The following B3GAT1 variants were observed in gnomAD, a reference collection of about 807,000 sequenced individuals.
B3GAT1 encodes the protein galactosylgalactosylxylosylprotein 3-beta-glucuronosyltransferase 1.
B3GAT1 carries 11 observed loss-of-function variants against 28.4 expected under a neutral mutation model. That is an observed-to-expected ratio of 0.39 (90% CI 0.24 to 0.64). The LOEUF is 0.64. B3GAT1 is among the 30% of genes least tolerant of loss of function. The probability of loss-of-function intolerance (pLI) is 0.50; values close to 1 mark genes in which losing one functional copy is unlikely to be tolerated. For synonymous variants in B3GAT1, 255 were observed against 223.1 expected (o/e 1.14, Z -1.27); for missense variants, 375 against 491.0 (o/e 0.76, Z 2.23).
Position 134,387,738 on chromosome 11 carries a change from G to T in B3GAT1, c.-79C>A. ...AGGAGAGGGGCGGCCACGGGCGGCG[G>T]CAGCACAGGGGAGAAAAGAACAGGC... On this transcript the variant is annotated 5_prime_UTR_variant, in exon 2 of 6. The change creates a premature stop within an existing upstream ORF in the 5' untranslated region. Coordinates refer to ENST00000312527, the MANE Select transcript of B3GAT1 (RefSeq NM_054025.3). 2 of 1,585,434 alleles carry T rather than the reference G, an allele frequency of 1.3e-6. No homozygotes were observed. Among genetic ancestry groups the T allele is most frequent in the Non-Finnish European group, 8.6e-7 (1 of 1,166,650 alleles).
At chr11:134,392,260 A>G (rs77954628) in intron 1 of B3GAT1, 31,237 of 150,784 alleles carry the variant, frequency 0.21, 3,687 homozygotes, top group African/African-American at 0.29. Flanking sequence ...GCCAGCACCC[A>G]TGGAACTGAG....
At chr11:134,404,434 A>G (rs1243950819) in intron 1 of B3GAT1, among the ~76,000 whole-genome samples, 1 of 152,176 alleles carries the variant, frequency 6.6e-6, no homozygotes, top group Non-Finnish European at 1.5e-5. Flanking sequence ...TAAGATGGTA[A>G]GTTTTATGTT....
rs140323808 is a variant in B3GAT1 at position 134,387,593 on chromosome 11, C to G, written c.67G>C (p.Val23Leu). Residue 23 changes from valine to leucine, a missense_variant, in exon 2 of 6, where the codon GTC becomes CTC. Val to Leu is a conservative substitution (Grantham distance 32). Transcript: ENST00000312527. ...IVLPWTLLIT[V>L]WHQSTLAPLL... ...GGTGCGAGGGTGCTCTGGTGCCAGA[C>G]AGTGATGAGCAGAGTCCAGGGCAGC... is the stretch of plus-strand genomic sequence containing the variant. 169 of 1,614,026 alleles carry G rather than the reference C, an allele frequency of 1.0e-4. No individual in the cohort carries two copies. The highest frequency in any genetic ancestry group is 1.4e-4 in the Non-Finnish European group (160 of 1,180,050).
rs748150106 is a variant in B3GAT1 at position 134,382,881 on chromosome 11, C to T, written c.747G>A (p.Arg249=). The T allele has an allele frequency of 1.9e-6, 3 of 1,614,114 alleles. No homozygotes were observed. The highest frequency in any genetic ancestry group is 4.5e-5 in the East Asian group (2 of 44,876). The change falls in exon 4 of 6, where the codon CGG becomes CGA. Residue 249 remains arginine (R), a synonymous_variant. Transcript: ENST00000312527. ...VGWKTVFDPH[R]PFAIDMAGFA... is the part of the protein sequence containing the mutation. ...ATCCAGCCATGTCTATTGCAAATGGCCGGTGGGGGTCAAACACCGTCTTCC... is the reference window on the plus strand; with the variant it reads ...ATCCAGCCATGTCTATTGCAAATGGTCGGTGGGGGTCAAACACCGTCTTCC...
In B3GAT1 at chr11:134,388,106, C is replaced by T. The variant is rs1341065366; in HGVS notation, c.-281-166G>A. On this transcript the variant is annotated intron_variant, in intron 1 of 5. Transcript: ENST00000312527. The stretch of plus-strand genomic sequence containing the variant: ...TGTCTGCCTGTTAGAGTGGAATGGG[C>T]TCTGTCCTTCCCACAGGCACAGGGC... 1.6e-5 allele frequency: 6 copies of T among 363,942 alleles called. No individual in the cohort carries two copies. In the Admixed American group the frequency reaches 2.1e-4, roughly 13 times the overall value. 22.5% of individuals were successfully genotyped at this position (363,942 alleles called of 1,614,324 possible). A position where few individuals can be genotyped will look rare whatever the true frequency, so the allele number is the denominator to read the frequency against.
At chr11:134,399,348 C>A (rs562574152) in intron 1 of B3GAT1, among the ~76,000 whole-genome samples, 132 of 152,336 alleles carry the variant, frequency 8.7e-4, no homozygotes, top group Non-Finnish European at 7.3e-5. Flanking sequence ...AGAGACTCCC[C>A]AGTCAGCCAG....
chr11:134,382,863 C>T lies in B3GAT1; in HGVS notation c.765G>A (p.Met255Ile). The change falls in exon 4 of 6, where the codon ATG (methionine) becomes ATA (isoleucine). Residue 255 changes from methionine to isoleucine, a missense_variant. Met to Ile is a conservative substitution (Grantham distance 10). Coordinates refer to ENST00000312527, the MANE Select transcript of B3GAT1 (RefSeq NM_054025.3). ...FDPHRPFAID[M>I]AGFAVNLRLI... The stretch of plus-strand genomic sequence containing the variant: ...GCCGCAGGTTGACGGCAAATCCAGC[C>T]ATGTCTATTGCAAATGGCCGGTGGG... The T allele has an allele frequency of 6.2e-7, 1 of 1,614,178 alleles. No homozygotes were observed. Among genetic ancestry groups the T allele is most frequent in the Non-Finnish European group, 8.5e-7 (1 of 1,180,018 alleles).
intron 1 of B3GAT1, among the ~76,000 whole-genome samples, chr11:134,410,817 T>C (rs1395214032): frequency 3.3e-5 from 5 of 152,202 alleles, no homozygotes; most frequent in African/African-American, 1.2e-4. Flanking sequence ...CCCTACGACA[T>C]CCGTACCCCA....
chr11:134,392,639 G>A (rs113202812), intron 1 of B3GAT1, among the ~76,000 whole-genome samples: 5,388 of 152,290 alleles, frequency 0.035, 109 homozygotes, highest in Non-Finnish European at 0.045. Context: ...CCAAAGTGCT[G>A]AGATTACAGG....
intron 1 of B3GAT1, among the ~76,000 whole-genome samples, chr11:134,402,205 T>A (rs887726863): frequency 2.6e-5 from 4 of 152,176 alleles, no homozygotes; most frequent in African/African-American, 9.7e-5. Flanking sequence ...GGTTTGGAAC[T>A]GACACACTGA....
intron 1 of B3GAT1, among the ~76,000 whole-genome samples, chr11:134,396,723 G>C (rs1020405912): frequency 1.3e-5 from 2 of 152,196 alleles, no homozygotes; most frequent in African/African-American, 4.8e-5. Flanking sequence ...CCAGGAAACG[G>C]GTCTGCTCGG....
At chr11:134,405,785 G>A (rs1944720350) in intron 1 of B3GAT1, among the ~76,000 whole-genome samples, 1 of 152,224 alleles carries the variant, frequency 6.6e-6, no homozygotes, top group Admixed American at 6.5e-5. Context: ...GAAAAGAAGG[G>A]AGTAGCCCAG....
At position 134,411,289 on chromosome 11, in the gene B3GAT1, C is replaced by T. The variant is rs1434317993; in HGVS notation, c.-282+518G>A. Among the ~76,000 whole-genome samples, 1 of 152,170 alleles carries T rather than the reference C, an allele frequency of 6.6e-6. No individual in the cohort carries two copies. Among genetic ancestry groups the T allele is most frequent in the East Asian group, 1.9e-4 (1 of 5,184 alleles). ...CTTGCTACACCGAAGGTCCCAAGGG[C>T]CCTTTGCCACCCTTGCTACCCCTGG... On this transcript the variant is annotated intron_variant, in intron 1 of 5. Coordinates refer to ENST00000312527, the MANE Select transcript of B3GAT1 (RefSeq NM_054025.3). This position sits in a 1 kb window ranked among gnomAD's most constrained non-coding sequence, Gnocchi z 6.0.
intron 1 of B3GAT1, among the ~76,000 whole-genome samples, chr11:134,398,984 G>A (rs1421902840): frequency 2.0e-5 from 3 of 152,202 alleles, no homozygotes; most frequent in Non-Finnish European, 4.4e-5. Flanking sequence ...TGCGGTGGGT[G>A]GTGGGTTCTC....
intron 2 of B3GAT1, chr11:134,386,960 T>G (rs116005494): frequency 0.014 from 2,171 of 155,200 alleles, 52 homozygotes; most frequent in African/African-American, 0.049. Flanking sequence ...AACTACCTGA[T>G]CTAGAGCTCA....
At chr11:134,384,215 G>T in intron 2 of B3GAT1, 27 bp from the exon 3 acceptor site, 1 of 1,518,884 alleles carries the variant, frequency 6.6e-7, no homozygotes, top group Non-Finnish European at 8.8e-7. Flanking sequence ...CCGGCGATGT[G>T]GGAGGAGAGC....
chr11:134,389,998 C>A (rs1175175187), intron 1 of B3GAT1: 1 of 152,290 alleles, frequency 6.6e-6, no homozygotes, highest in African/African-American at 2.4e-5. Context: ...CACACCCCGC[C>A]ATCAGAGGCC....
intron 1 of B3GAT1, chr11:134,391,579 G>C (rs185252468): frequency 7.2e-5 from 11 of 152,572 alleles, no homozygotes; most frequent in African/African-American, 2.2e-4. Context: ...CAAAGGTGCA[G>C]GAGTGGCTTG....
chr11:134,409,433 A>C (rs1039546984), intron 1 of B3GAT1, among the ~76,000 whole-genome samples: 5 of 152,240 alleles, frequency 3.3e-5, no homozygotes, highest in Admixed American at 2.6e-4. Flanking sequence ...CAGGGCCAGA[A>C]GATGGAGAGG....
Sources: gnomAD v4.1 joint callset for allele counts (sites outside exome capture counted in the v4.1 genomes callset) on GRCh38, gnomAD v4.1.1 for gene constraint, Gnocchi (gnomAD v3.1) non-coding constraint, MANE v1.5 for transcripts, NCBI Gene and HGNC (gene_info 2026-07-23, HGNC 2026-07-21) for gene names.